Variants in TAFA1 observed in about 807,000 individuals in gnomAD.
The protein encoded by TAFA1 is chemokine-like protein TAFA-1.
In TAFA1, 4 loss-of-function variants were observed where a neutral mutation model predicts 18.5. The observed-to-expected ratio is 0.22, with a 90% CI of 0.11 to 0.49. The LOEUF is 0.49. Ranked by LOEUF, TAFA1 falls within the 20% of genes least tolerant of loss-of-function variation. The pLI is 0.98. For synonymous variants in TAFA1, 56 were observed against 55.2 expected (o/e 1.01, Z -0.06); for missense variants, 147 against 169.0 (o/e 0.87, Z 0.72).
At chr3:68,002,804 G>A (rs1201890811), upstream of TAFA1, among the ~76,000 whole-genome samples, 1 of 151,902 alleles carries the variant, frequency 6.6e-6, no homozygotes, top group Non-Finnish European at 1.5e-5. Flanking sequence ...TAATCTTCCT[G>A]TCTCCTCTCA....
chr3:68,141,795 C>G (rs1315039456), intron 2 of TAFA1, among the ~76,000 whole-genome samples: 1 of 152,202 alleles, frequency 6.6e-6, no homozygotes, highest in African/African-American at 2.4e-5. Context: ...TTGGATACCA[C>G]CTGGCTTGAA....
intron 2 of TAFA1, among the ~76,000 whole-genome samples, chr3:68,075,623 G>A (rs978619327): frequency 3.3e-4 from 50 of 151,776 alleles, no homozygotes; most frequent in African/African-American, 1.2e-3. Context: ...TCTCAAGTGG[G>A]TAGAAAAATG....
intron 2 of TAFA1, among the ~76,000 whole-genome samples, chr3:68,014,842 G>A (rs1704538055): frequency 6.6e-6 from 1 of 152,078 alleles, no homozygotes; most frequent in African/African-American, 2.4e-5. Flanking sequence ...AATATTGCAA[G>A]GCAAGCCAGA....
At chr3:68,181,902 C>T (rs887509857) in intron 2 of TAFA1, among the ~76,000 whole-genome samples, 1 of 152,148 alleles carries the variant, frequency 6.6e-6, no homozygotes, top group Non-Finnish European at 1.5e-5. Flanking sequence ...TACTTTTAAA[C>T]TATATGATAA....
chr3:68,068,654 T>C (rs2106742600), intron 2 of TAFA1, among the ~76,000 whole-genome samples: 1 of 152,310 alleles, frequency 6.6e-6, no homozygotes, highest in South Asian at 2.1e-4. Context: ...ACTTCTTATT[T>C]CCTTCAAAAT....
chr3:68,295,037 G>T (rs529036879), intron 2 of TAFA1, among the ~76,000 whole-genome samples: 1 of 152,254 alleles, frequency 6.6e-6, no homozygotes, highest in South Asian at 2.1e-4. Flanking sequence ...TCTCCCATTT[G>T]CTCTCTGTCT....
intron 2 of TAFA1, among the ~76,000 whole-genome samples, chr3:68,328,037 A>G (rs2068805519): frequency 6.6e-6 from 1 of 152,174 alleles, no homozygotes; most frequent in Admixed American, 6.5e-5. Flanking sequence ...CTTCAAGGGC[A>G]TATCTGTTGT....
rs2065984627 is a variant in TAFA1 at position 68,166,644 on chromosome 3, A to C, written c.118+159900A>C. Reference sequence around the variant, plus strand: ...AAATTAACAGTGTGCAATATACAGCAAAGCCTGCCACACTCCTCCCTTGTG... The same window carrying C: ...AAATTAACAGTGTGCAATATACAGCCAAGCCTGCCACACTCCTCCCTTGTG... On this transcript the variant is annotated intron_variant, in intron 2 of 4. Coordinates refer to ENST00000478136, the MANE Select transcript of TAFA1 (RefSeq NM_213609.4). 2.0e-5 allele frequency among the ~76,000 whole-genome samples: 3 copies of C among 152,194 alleles called. No homozygotes were observed. In the South Asian group the frequency reaches 6.2e-4, roughly 32 times the overall value.
chr3:68,322,949 G>A (rs1159832152), intron 2 of TAFA1, among the ~76,000 whole-genome samples: 1 of 151,952 alleles, frequency 6.6e-6, no homozygotes, highest in East Asian at 1.9e-4. Context: ...TCTCAAAAAA[G>A]AAAAAGTATT....
intron 3 of TAFA1, among the ~76,000 whole-genome samples, chr3:68,422,281 T>C (rs1346798391): frequency 3.9e-5 from 6 of 152,108 alleles, no homozygotes; most frequent in African/African-American, 1.2e-4. Flanking sequence ...TTAACTATCC[T>C]CTCCACTTTA....
chr3:68,159,020 A>G (rs1428699525), intron 2 of TAFA1, among the ~76,000 whole-genome samples: 1 of 152,190 alleles, frequency 6.6e-6, no homozygotes, highest in African/African-American at 2.4e-5. Context: ...ACTGAATGCC[A>G]ACCACATTAC....
chr3:68,126,700 G>A (rs2065468982), intron 2 of TAFA1, among the ~76,000 whole-genome samples: 1 of 152,184 alleles, frequency 6.6e-6, no homozygotes, highest in African/African-American at 2.4e-5. Flanking sequence ...ATTACATCAT[G>A]GGGCAATATT....
intron 2 of TAFA1, among the ~76,000 whole-genome samples, chr3:68,065,530 T>C (rs939371666): frequency 3.9e-5 from 6 of 152,130 alleles, no homozygotes; most frequent in Admixed American, 1.3e-4. Context: ...TGATGAATGC[T>C]TGAATCCTAT....
At chr3:68,366,052 C>G (rs1326726688) in intron 2 of TAFA1, among the ~76,000 whole-genome samples, 2 of 149,312 alleles carry the variant, frequency 1.3e-5, no homozygotes, top group African/African-American at 5.0e-5. Context: ...CACCACCGCA[C>G]TCCAGCCTGG....
chr3:68,279,505 G>C (rs889152809), intron 2 of TAFA1, among the ~76,000 whole-genome samples: 3 of 152,132 alleles, frequency 2.0e-5, no homozygotes, highest in Non-Finnish European at 2.9e-5. Flanking sequence ...ATTAGGGACA[G>C]ATTCTACTTC....
At chr3:68,530,935 G>A (rs2106773131) in intron 3 of TAFA1, among the ~76,000 whole-genome samples, 1 of 152,040 alleles carries the variant, frequency 6.6e-6, no homozygotes, top group Middle Eastern at 3.4e-3. Context: ...GGACTCAAAA[G>A]CCAATATATT....
intron 2 of TAFA1, among the ~76,000 whole-genome samples, chr3:68,158,028 G>A (rs1459652784): frequency 3.9e-5 from 6 of 152,112 alleles, no homozygotes; most frequent in Admixed American, 1.3e-4. Flanking sequence ...CTTAGAATGA[G>A]CGGAAATTAA....
At chr3:68,479,062 C>A (rs1252443013) in intron 3 of TAFA1, among the ~76,000 whole-genome samples, 1 of 150,412 alleles carries the variant, frequency 6.6e-6, no homozygotes, top group Non-Finnish European at 1.5e-5. Context: ...GAAACCCCAT[C>A]TCTACTAAAA....
chr3:68,362,918 T>C lies in TAFA1; in HGVS notation c.119-54362T>C, dbSNP rs867727573. Among the ~76,000 whole-genome samples the C allele has an allele frequency of 1.9e-4, 27 of 142,146 alleles. 2 individuals carry two copies. The South Asian group carries it at 6.0e-3, about 32-fold the overall frequency. 93.3% of individuals were successfully genotyped at this position (142,146 alleles called of 152,430 possible). On this transcript the variant is annotated intron_variant, in intron 2 of 4. Transcript: ENST00000478136. ...GAATATAAACAGTTTTAAAGCACCT[T>C]AATCCCAAATTAGATTTCTTCCTTT...
Sources: gnomAD v4.1 joint callset for allele counts (sites outside exome capture counted in the v4.1 genomes callset) on GRCh38, gnomAD v4.1.1 for gene constraint, MANE v1.5 for transcripts, NCBI Gene and HGNC (gene_info 2026-07-23, HGNC 2026-07-21) for gene names.